CPXM2: variants seen among roughly 807,000 people sequenced by gnomAD.
CPXM2 encodes the protein inactive carboxypeptidase-like protein X2.
A neutral mutation model predicts 86.1 loss-of-function variants in CPXM2; 66 were observed. The ratio of observed to expected loss-of-function variants is 0.77; its 90% CI spans 0.63 to 0.94. CPXM2 has a LOEUF of 0.94. CPXM2 is among the 40% of genes least tolerant of loss of function. The pLI, the probability that CPXM2 is intolerant of heterozygous loss-of-function variation, is 0.00. For synonymous variants in CPXM2, 388 were observed against 400.2 expected (o/e 0.97, Z 0.36); for missense variants, 948 against 1,026.3 (o/e 0.92, Z 1.04).
At chr10:123,889,536 G>A (rs764564979) in intron 1 of CPXM2, among the ~76,000 whole-genome samples, 1 of 152,222 alleles carries the variant, frequency 6.6e-6, no homozygotes, top group Non-Finnish European at 1.5e-5. Context: ...CCCAGCACCA[G>A]TGCTTAGCAG....
chr10:123,865,624 ACCTGGTC>A lies in CPXM2; in HGVS notation c.404-2908_404-2902del, dbSNP rs1284879201. 6.6e-6 allele frequency among the ~76,000 whole-genome samples: 1 copy of A among 152,134 alleles called. No individual in the cohort carries two copies. The highest frequency in any genetic ancestry group is 1.5e-5 in the Non-Finnish European group (1 of 68,018). ...CATGCCTCCAGAGAGGGCCTGACTC[ACCTGGTC>A]CCCTGGCTGCCCACTGGGATCAGGG... is the stretch of plus-strand genomic sequence containing the variant. On this transcript the variant is annotated intron_variant, in intron 2 of 13. Coordinates refer to ENST00000241305, the MANE Select transcript of CPXM2 (RefSeq NM_198148.3). The surrounding 1 kb of genome is among the most constrained non-coding windows in gnomAD (Gnocchi z 4.7).
chr10:123,783,537 T>C (rs1007249515), intron 6 of CPXM2, among the ~76,000 whole-genome samples: 3 of 152,198 alleles, frequency 2.0e-5, no homozygotes, highest in Non-Finnish European at 4.4e-5. Flanking sequence ...CAGTCTCTTC[T>C]GCTGGAGCCC....
rs146482469 is a variant in CPXM2, at chr10:123,930,455, G to T, written n.174+9022C>A. The stretch of plus-strand genomic sequence containing the variant: ...AAGGAACGCAGTTCTCCCTGTGCCA[G>T]GGACCAGGACTGCAGGAGAGGCCAC... On this transcript the variant is annotated intron_variant and non_coding_transcript_variant, in intron 2 of 19. Coordinates refer to the CPXM2 transcript ENST00000368854. Among the ~76,000 whole-genome samples the T allele has an allele frequency of 2.9e-3, 448 of 152,350 alleles. 3 individuals are homozygous for T. Among genetic ancestry groups the T allele is most frequent in the Non-Finnish European group, 5.1e-3 (345 of 68,036 alleles).
At chr10:123,932,053 G>A (rs1449495468) in intron 2 of CPXM2, among the ~76,000 whole-genome samples, 1 of 152,150 alleles carries the variant, frequency 6.6e-6, no homozygotes, top group Non-Finnish European at 1.5e-5. Context: ...GATTAAGTTA[G>A]GGAATATGTG....
intron 2 of CPXM2, among the ~76,000 whole-genome samples, chr10:123,935,413 C>T (rs1315879507): frequency 6.6e-6 from 1 of 152,200 alleles, no homozygotes; most frequent in Non-Finnish European, 1.5e-5. Context: ...GACCACACAA[C>T]ACCCAACCAT....
intron 3 of CPXM2, among the ~76,000 whole-genome samples, chr10:123,844,861 T>G (rs1368674549): frequency 2.0e-5 from 3 of 150,254 alleles, no homozygotes; most frequent in Non-Finnish European, 4.4e-5. Flanking sequence ...CTTTGGGAGG[T>G]GAGGGTAAGG....
rs140133680 is a variant in CPXM2, at chr10:123,888,670, C to A, written c.304+2686G>T. ...GTTCACGCTTAAACCAGTCTTCCCACTTTGGTCCAGGGCAGAGGATTCTGC... is the reference window on the plus strand; with the variant it reads ...GTTCACGCTTAAACCAGTCTTCCCAATTTGGTCCAGGGCAGAGGATTCTGC... On this transcript the variant is annotated intron_variant, in intron 1 of 13. Coordinates refer to ENST00000241305, the MANE Select transcript of CPXM2 (RefSeq NM_198148.3). Among the ~76,000 whole-genome samples the A allele has an allele frequency of 9.3e-3, 1,418 of 152,350 alleles. 19 individuals carry two copies. Among genetic ancestry groups the A allele is most frequent in the African/African-American group, 0.032 (1,324 of 41,572 alleles).
At chr10:123,751,764 C>G (rs1371310065) in intron 13 of CPXM2, 1 of 985,258 alleles carries the variant, frequency 1.0e-6, no homozygotes, top group Non-Finnish European at 1.2e-6. Context: ...AAATTCAGAG[C>G]TTTTCTTGAG....
intron 3 of CPXM2, among the ~76,000 whole-genome samples, chr10:123,849,577 C>A (rs1435357881): frequency 6.6e-6 from 1 of 151,808 alleles, no homozygotes; most frequent in Non-Finnish European, 1.5e-5. Flanking sequence ...CCACATCTGG[C>A]TAATTTTTGT....
At chr10:123,766,475 G>A (rs1220306546) in intron 10 of CPXM2, among the ~76,000 whole-genome samples, 1 of 152,144 alleles carries the variant, frequency 6.6e-6, no homozygotes, top group Non-Finnish European at 1.5e-5. Context: ...TAAGAGGTAT[G>A]GGAGAATTAT....
chr10:123,752,853 C>G (rs1355262593), intron 13 of CPXM2, among the ~76,000 whole-genome samples: 1 of 152,082 alleles, frequency 6.6e-6, no homozygotes, highest in South Asian at 2.1e-4. Flanking sequence ...GCAGGGTGCT[C>G]GTAATACATT....
At chr10:123,899,735 T>C (rs1044492164) in intron 2 of CPXM2, among the ~76,000 whole-genome samples, 1 of 152,162 alleles carries the variant, frequency 6.6e-6, no homozygotes, top group African/African-American at 2.4e-5. Flanking sequence ...GGCTCTCATA[T>C]GGAAAAAACT....
At chr10:123,859,294 G>A (rs1848804727) in intron 3 of CPXM2, among the ~76,000 whole-genome samples, 1 of 152,262 alleles carries the variant, frequency 6.6e-6, no homozygotes, top group Non-Finnish European at 1.5e-5. Context: ...GTTCTGTGTG[G>A]GGAGATGTAT....
intron 6 of CPXM2, among the ~76,000 whole-genome samples, chr10:123,795,723 T>A (rs1198982111): frequency 6.6e-6 from 1 of 151,888 alleles, no homozygotes; most frequent in Non-Finnish European, 1.5e-5. Flanking sequence ...TGGTCCTCAA[T>A]ATTTGGGGGG....
At chr10:123,919,141 C>A (rs1474671198) in intron 2 of CPXM2, among the ~76,000 whole-genome samples, 1 of 152,200 alleles carries the variant, frequency 6.6e-6, no homozygotes, top group Non-Finnish European at 1.5e-5. Flanking sequence ...TGTACATCCA[C>A]TGCTCAGGAC....
In CPXM2 at chr10:123,746,565, T is replaced by C. The variant is rs1367329182; in HGVS notation, c.*199A>G. 2 of 615,266 alleles carry C rather than the reference T, an allele frequency of 3.3e-6. No individual in the cohort carries two copies. The highest frequency in any genetic ancestry group is 2.8e-6 in the Non-Finnish European group (1 of 353,104). The allele number at this position is 615,266 out of a possible 1,614,324, so 38.1% of individuals were successfully genotyped here. A position where few individuals can be genotyped will look rare whatever the true frequency, so the allele number is the denominator to read the frequency against. On this transcript the variant is annotated 3_prime_UTR_variant, in exon 14 of 14. Coordinates refer to ENST00000241305, the MANE Select transcript of CPXM2 (RefSeq NM_198148.3). ...TTCTCTGCTGCTCTGTCCAAGTTAT[T>C]TGGATAAATGGGAACAAAGAAAAGA...
At chr10:123,912,029 C>T (rs904672799) in intron 2 of CPXM2, among the ~76,000 whole-genome samples, 4 of 152,128 alleles carry the variant, frequency 2.6e-5, no homozygotes, top group South Asian at 4.1e-4. Context: ...GAGGACCAAG[C>T]GGGTGACTTG....
chr10:123,909,297 C>T (rs192398045), intron 2 of CPXM2, among the ~76,000 whole-genome samples: 3 of 152,216 alleles, frequency 2.0e-5, no homozygotes, highest in African/African-American at 4.8e-5. Context: ...AGGGGGGACT[C>T]GCCCTCAGCA....
intron 2 of CPXM2, among the ~76,000 whole-genome samples, chr10:123,868,612 C>A (rs1944838053): frequency 1.3e-5 from 2 of 152,220 alleles, no homozygotes; most frequent in Non-Finnish European, 1.5e-5. Context: ...GAAGCCACTA[C>A]CAGCTAAGTT....
Sources: allele counts gnomAD v4.1 joint callset (sites outside exome capture counted in the v4.1 genomes callset), GRCh38; gene constraint gnomAD v4.1.1; non-coding constraint Gnocchi (gnomAD v3.1); transcripts MANE v1.5; gene names NCBI Gene and HGNC (gene_info 2026-07-23, HGNC 2026-07-21).